UBAP2: variants seen among roughly 807,000 people sequenced by gnomAD.
The protein encoded by UBAP2 is ubiquitin associated protein 2.
In UBAP2, 75 loss-of-function variants were observed where a neutral mutation model predicts 139.6. The ratio of observed to expected loss-of-function variants is 0.54; its 90% CI spans 0.45 to 0.65. The LOEUF is 0.65. UBAP2 is among the 30% of genes least tolerant of loss of function. The pLI, the probability that UBAP2 is intolerant of heterozygous loss-of-function variation, is 0.00. For synonymous variants in UBAP2, 526 were observed against 526.2 expected, an observed-to-expected ratio of 1.00 and a Z score of 0.01; for missense variants, 1,368 against 1,369.6, an observed-to-expected ratio of 1.00 and a Z score of 0.02.
chr9:33,979,659 G>A (rs1820465514), intron 6 of UBAP2, among the ~76,000 whole-genome samples: 1 of 152,092 alleles, frequency 6.6e-6, no homozygotes, highest in East Asian at 1.9e-4. Context: ...GAGGCGGGCA[G>A]ATCATGAGGT....
intron 8 of UBAP2, among the ~76,000 whole-genome samples, chr9:33,967,743 G>A (rs999447336): frequency 1.3e-5 from 2 of 151,884 alleles, no homozygotes; most frequent in Admixed American, 6.6e-5. Context: ...CAAGTTAAAG[G>A]GGCTGTAAAA....
chr9:34,010,047 T>A (rs1587654435), intron 2 of UBAP2, among the ~76,000 whole-genome samples: 4 of 146,460 alleles, frequency 2.7e-5, no homozygotes, highest in South Asian at 4.4e-4. Flanking sequence ...CCTCAGGTGA[T>A]CTACCTGCCT....
chr9:33,968,494 T>C (rs1045067701), intron 8 of UBAP2: 1 of 527,710 alleles, frequency 1.9e-6, no homozygotes, highest in Non-Finnish European at 3.8e-6. Context: ...TGAGCACTAA[T>C]GGGACGCGGT....
chr9:34,011,561 G>C (rs1364124954), intron 2 of UBAP2: 1 of 893,020 alleles, frequency 1.1e-6, no homozygotes, highest in African/African-American at 1.8e-5. Context: ...AATTTTCTTT[G>C]ATAAACAATT....
intron 9 of UBAP2, among the ~76,000 whole-genome samples, chr9:33,961,186 G>A (rs1263303944): frequency 4.6e-5 from 7 of 152,240 alleles, no homozygotes; most frequent in African/African-American, 1.7e-4. Context: ...AAGCAATTCT[G>A]CCATGAGTAA....
chr9:33,949,770 T>C (rs1355932800), intron 12 of UBAP2, among the ~76,000 whole-genome samples: 2 of 152,202 alleles, frequency 1.3e-5, no homozygotes, highest in Non-Finnish European at 2.9e-5. Flanking sequence ...AGAACTGAAC[T>C]TCAGTGGTTA....
At chr9:34,000,738 G>A (rs1178413995) in intron 2 of UBAP2, among the ~76,000 whole-genome samples, 1 of 152,216 alleles carries the variant, frequency 6.6e-6, no homozygotes, top group East Asian at 1.9e-4. Context: ...TGGGATAAGT[G>A]GGAGTTGTTG....
intron 5 of UBAP2, among the ~76,000 whole-genome samples, chr9:33,988,260 T>C (rs1247279639): frequency 1.3e-5 from 2 of 152,210 alleles, no homozygotes; most frequent in Non-Finnish European, 2.9e-5. Flanking sequence ...TGTATGCCTA[T>C]AAAAGTATCC....
At chr9:34,021,309 T>C (rs1486765073) in intron 1 of UBAP2, among the ~76,000 whole-genome samples, 2 of 152,188 alleles carry the variant, frequency 1.3e-5, no homozygotes, top group African/African-American at 2.4e-5. Context: ...TTTTACATTA[T>C]AGTAACAACC....
At chr9:33,967,779 T>C (rs576520387) in intron 8 of UBAP2, among the ~76,000 whole-genome samples, 7 of 152,324 alleles carry the variant, frequency 4.6e-5, no homozygotes, top group African/African-American at 1.7e-4. Flanking sequence ...CAATATTATA[T>C]TTGTAAACTG....
At chr9:34,001,469 C>T (rs933332263) in intron 2 of UBAP2, among the ~76,000 whole-genome samples, 3 of 152,198 alleles carry the variant, frequency 2.0e-5, no homozygotes, top group Admixed American at 1.3e-4. Flanking sequence ...GACTTAGAGT[C>T]ACAAGAGTTC....
chr9:33,992,328 G>A (rs932348113), intron 4 of UBAP2, among the ~76,000 whole-genome samples: 1 of 149,746 alleles, frequency 6.7e-6, no homozygotes, highest in African/African-American at 2.5e-5. Flanking sequence ...GCAGGAGGTT[G>A]TGGTGAGCCG....
intron 1 of UBAP2, among the ~76,000 whole-genome samples, chr9:34,019,046 C>T (rs1278248487): frequency 6.6e-6 from 1 of 152,084 alleles, no homozygotes; most frequent in Non-Finnish European, 1.5e-5. Context: ...TATTCTAACA[C>T]ATGCTACCAC....
intron 22 of UBAP2, among the ~76,000 whole-genome samples, chr9:33,925,554 A>G (rs1232395284): frequency 6.6e-6 from 1 of 152,302 alleles, no homozygotes; most frequent in Admixed American, 6.5e-5. Context: ...AGCAGAATGA[A>G]TCCCGGGGCT....
rs1823607629 is a variant in UBAP2, at chr9:33,927,910, G to C, written c.2258C>G (p.Ser753Cys). Residue 753 changes from serine (S) to cysteine (C), a missense_variant, in exon 20 of 29, where the codon TCC becomes TGC. By Grantham distance (112) the Ser-to-Cys change is moderately radical. Transcript: ENST00000379238. ...TAATSVSSSA[S>C]SGASLSSSMN... is the part of the protein sequence containing the mutation. ...GCTACTGGACAGGCTGGCGCCTGAG[G>C]ATGCGGAACTTGAGACGGAGGTCGC... The C allele has an allele frequency of 6.2e-7, 1 of 1,614,138 alleles. No individual in the cohort carries two copies. The highest frequency in any genetic ancestry group is 1.7e-5 in the Admixed American group (1 of 60,012).
intron 2 of UBAP2, among the ~76,000 whole-genome samples, chr9:34,001,386 ACT>A (rs1441177052): frequency 6.6e-6 from 1 of 152,186 alleles, no homozygotes; most frequent in Non-Finnish European, 1.5e-5. Context: ...TTGAAAGAAA[ACT>A]CACTGGAACT....
chr9:33,930,189 A>G (rs1319673575), intron 19 of UBAP2, among the ~76,000 whole-genome samples: 2 of 152,218 alleles, frequency 1.3e-5, no homozygotes, highest in Non-Finnish European at 2.9e-5. Flanking sequence ...TGAGGATGCC[A>G]TGGTGTAATA....
chr9:33,940,110 CACG>C (rs1825077263), intron 16 of UBAP2, among the ~76,000 whole-genome samples: 1 of 151,608 alleles, frequency 6.6e-6, no homozygotes, highest in Non-Finnish European at 1.5e-5. Flanking sequence ...GGAAGAAGGC[CACG>C]ACGACAAGAT....
intron 8 of UBAP2, among the ~76,000 whole-genome samples, chr9:33,966,264 A>AT (rs1452609428): frequency 2.6e-5 from 4 of 151,370 alleles, no homozygotes; most frequent in African/African-American, 9.7e-5. Context: ...CCTGCCCAAC[A>AT]TGGTGAAACC....
Sources: gnomAD v4.1 joint callset for allele counts (sites outside exome capture counted in the v4.1 genomes callset) on GRCh38, gnomAD v4.1.1 for gene constraint, MANE v1.5 for transcripts, NCBI Gene and HGNC (gene_info 2026-07-23, HGNC 2026-07-21) for gene names.